The following NHERF2 variants were observed in gnomAD, a reference collection of about 807,000 sequenced individuals.
The protein encoded by NHERF2 is NHERF family PDZ scaffold protein 2.
chr16:2,036,990 C>A, the NHERF2 span: 1 of 1,550,976 alleles, frequency 6.4e-7, no homozygotes. Flanking sequence ...TGGAACCAGC[C>A]CTGCCCAGGT....
At chr16:2,037,562 T>C in the NHERF2 span, 3 of 1,612,556 alleles carry the variant, frequency 1.9e-6, no homozygotes, top group Admixed American at 5.0e-5. Flanking sequence ...TGCGTGCTCG[T>C]CCCGAAGTGA....
the NHERF2 span, among the ~76,000 whole-genome samples, chr16:2,027,797 C>T: frequency 2.6e-5 from 4 of 152,320 alleles, no homozygotes; most frequent in South Asian, 8.3e-4. Context: ...TGTGTGTGCA[C>T]GCCTGGCTAG....
At chr16:2,036,540 C>T in the NHERF2 span, 3 of 1,549,834 alleles carry the variant, frequency 1.9e-6, no homozygotes, top group African/African-American at 1.4e-5. Flanking sequence ...GCCGAGTGCC[C>T]CGCACCTGTC....
the NHERF2 span, chr16:2,033,571 G>T: frequency 3.2e-6 from 3 of 928,720 alleles, no homozygotes; most frequent in Admixed American, 2.8e-5. Flanking sequence ...CTCTGCCAGG[G>T]CTGGTGCGTC....
chr16:2,037,992 C>T, the NHERF2 span: 4 of 1,613,408 alleles, frequency 2.5e-6, no homozygotes, highest in Middle Eastern at 1.7e-4. Context: ...TGAGCCCCTT[C>T]CTGCCTGTCT....
chr16:2,035,203 C>T, the NHERF2 span, among the ~76,000 whole-genome samples: 2 of 152,122 alleles, frequency 1.3e-5, no homozygotes, highest in Non-Finnish European at 2.9e-5. Context: ...GGGGACAGAG[C>T]ACTAGCTGTG....
chr16:2,029,263 A>G, the NHERF2 span, among the ~76,000 whole-genome samples: 31 of 152,300 alleles, frequency 2.0e-4, no homozygotes, highest in African/African-American at 7.5e-4. Context: ...TCACTTCCAG[A>G]CAGGACTTAC....
At chr16:2,033,568 A>C in the NHERF2 span, 12 of 939,780 alleles carry the variant, frequency 1.3e-5, no homozygotes, top group South Asian at 1.7e-5. Context: ...TTTCTCTGCC[A>C]GGGCTGGTGC....
chr16:2,032,643 G>A, the NHERF2 span, among the ~76,000 whole-genome samples: 2 of 152,236 alleles, frequency 1.3e-5, no homozygotes, highest in African/African-American at 4.8e-5. The surrounding 1 kb of genome is among the most constrained non-coding windows in gnomAD (Gnocchi z 4.0). Context: ...TAGGGGAGGT[G>A]GGCAGGGGAG....
the NHERF2 span, chr16:2,035,408 C>G: frequency 2.0e-6 from 2 of 985,982 alleles, no homozygotes; most frequent in Non-Finnish European, 2.4e-6. Flanking sequence ...CTGGCCTGGC[C>G]TGTGGTCCCT....
At chr16:2,035,674 C>T in the NHERF2 span, 5 of 985,726 alleles carry the variant, frequency 5.1e-6, no homozygotes, top group South Asian at 1.9e-4. Context: ...GGCCCAGAGC[C>T]CTACCGCAGG....
At chr16:2,029,622 T>C in the NHERF2 span, 1 of 1,579,790 alleles carries the variant, frequency 6.3e-7, no homozygotes, top group Non-Finnish European at 8.6e-7. Flanking sequence ...CAGACTCGGC[T>C]GCTGGTGGTG....
At chr16:2,036,610 C>A in the NHERF2 span, 2 of 1,522,684 alleles carry the variant, frequency 1.3e-6, no homozygotes, top group South Asian at 1.2e-5. Context: ...TGAGCTGGTG[C>A]GCCTCCTGCT....
At chr16:2,035,138 C>A in the NHERF2 span, among the ~76,000 whole-genome samples, 1 of 152,134 alleles carries the variant, frequency 6.6e-6, no homozygotes, top group African/African-American at 2.4e-5. Flanking sequence ...GATGAGGCAT[C>A]TGGCAGGCTG....
At chr16:2,032,975 G>A in the NHERF2 span, 13 of 1,122,728 alleles carry the variant, frequency 1.2e-5, no homozygotes, top group African/African-American at 1.7e-5. The surrounding 1 kb of genome is among the most constrained non-coding windows in gnomAD (Gnocchi z 4.0). Flanking sequence ...CGGTGCCTGC[G>A]GGGGCTTCCG....
At chr16:2,036,338 CCT>C in the NHERF2 span, 9 of 1,609,290 alleles carry the variant, frequency 5.6e-6, no homozygotes, top group South Asian at 1.1e-5. Context: ...TCAGTGGGCC[CCT>C]GAGGGAGCTG....
At chr16:2,030,647 A>G in the NHERF2 span, among the ~76,000 whole-genome samples, 2 of 149,060 alleles carry the variant, frequency 1.3e-5, no homozygotes, top group East Asian at 1.9e-4. Flanking sequence ...TCATTTTCAA[A>G]GAGAACCCTG....
the NHERF2 span, among the ~76,000 whole-genome samples, chr16:2,034,823 C>T: frequency 6.6e-6 from 1 of 151,318 alleles, no homozygotes. Context: ...CACGCCTTCC[C>T]TGCGTCCCAG....
At chr16:2,037,009 G>A in the NHERF2 span, 5 of 1,549,488 alleles carry the variant, frequency 3.2e-6, no homozygotes, top group Admixed American at 2.0e-5. Flanking sequence ...GTAAGAGGGT[G>A]GGGTGCCCAT....
Sources: gnomAD v4.1 joint callset for allele counts (sites outside exome capture counted in the v4.1 genomes callset) on GRCh38, gnomAD v4.1.1 for gene constraint, Gnocchi (gnomAD v3.1) non-coding constraint, MANE v1.5 for transcripts, NCBI Gene and HGNC (gene_info 2026-07-23, HGNC 2026-07-21) for gene names.